KLHL24: variants seen among roughly 807,000 people sequenced by gnomAD.
KLHL24 encodes the protein kelch-like protein 24.
KLHL24 carries 29 observed loss-of-function variants against 53.4 expected under a neutral mutation model. The ratio of observed to expected loss-of-function variants is 0.54; its 90% CI spans 0.40 to 0.74. KLHL24 has a LOEUF of 0.74. Among genes scored for constraint, KLHL24 ranks in the 30% least tolerant of loss-of-function variants. The probability of loss-of-function intolerance (pLI) is 0.00; values close to 1 mark genes in which losing one functional copy is unlikely to be tolerated. For missense variants in KLHL24, 504 were observed against 744.0 expected, an observed-to-expected ratio of 0.68 and a Z score of 3.75; for synonymous variants, 222 against 253.7, an observed-to-expected ratio of 0.88 and a Z score of 1.19.
chr3:183,665,376 C>T (rs962128999), intron 5 of KLHL24, among the ~76,000 whole-genome samples: 3 of 152,198 alleles, frequency 2.0e-5, no homozygotes, highest in African/African-American at 7.2e-5. Flanking sequence ...TTTCTTTTTA[C>T]TAACTTTGCA....
intron 1 of KLHL24, among the ~76,000 whole-genome samples, chr3:183,639,519 A>G (rs1333901773): frequency 2.7e-5 from 4 of 149,292 alleles, no homozygotes; most frequent in Non-Finnish European, 5.9e-5. Context: ...AGTCCCAGCT[A>G]CTCGGGAGGC....
chr3:183,641,265 C>T (rs958016972), intron 1 of KLHL24, among the ~76,000 whole-genome samples: 14 of 151,956 alleles, frequency 9.2e-5, no homozygotes, highest in East Asian at 1.9e-4. Context: ...GAGGTCGAGG[C>T]GGGTGGATCA....
In KLHL24 at chr3:183,665,049, A is replaced by G; in HGVS notation, c.1224+10A>G. ...TGTCCTCCTTGGTAAAGTAAGAGAA[A>G]CCACTTTTTATTACTATTGCTGGTA... is the stretch of plus-strand genomic sequence containing the variant. On this transcript the variant is annotated intron_variant, in intron 5 of 7. Transcript: ENST00000242810. 2 of 1,408,106 alleles carry G rather than the reference A, an allele frequency of 1.4e-6. No individual in the cohort carries two copies. Among genetic ancestry groups the G allele is most frequent in the Non-Finnish European group, 2.0e-6 (2 of 995,164 alleles). 87.2% of individuals were successfully genotyped at this position (1,408,106 alleles called of 1,614,324 possible).
chr3:183,639,908 C>A (rs1576870489), intron 1 of KLHL24, among the ~76,000 whole-genome samples: 1 of 151,922 alleles, frequency 6.6e-6, no homozygotes, highest in Non-Finnish European at 1.5e-5. Flanking sequence ...TCCTGTAATC[C>A]CAGCTACTCG....
rs1355516760 is a variant in KLHL24 at position 183,684,454 on chromosome 3, TAATAA to T, written c.*5172_*5176del. On this transcript the variant is annotated 3_prime_UTR_variant, in exon 8 of 8. Transcript: ENST00000242810. The stretch of plus-strand genomic sequence containing the variant: ...AGTTTAATTTTTTAAAAGTTGTATC[TAATAA>T]AATGTCTTTTAACCATTATTACTTG... 3.3e-5 allele frequency: 5 copies of T among 152,652 alleles called. No homozygotes were observed. The East Asian group carries it at 7.7e-4, about 23-fold the overall frequency. The allele number at this position is 152,652 out of a possible 1,614,324, so 9.5% of individuals were successfully genotyped here. A position where few individuals can be genotyped will look rare whatever the true frequency, so the allele number is the denominator to read the frequency against.
chr3:183,671,339 G>T (rs191504606), intron 6 of KLHL24, 117 bp downstream of exon 6: 2 of 750,928 alleles, frequency 2.7e-6, no homozygotes, highest in Non-Finnish European at 4.1e-6. Context: ...AAAATTTTCT[G>T]GTACTATATG....
chr3:183,641,083 A>G (rs1215060243), intron 1 of KLHL24, among the ~76,000 whole-genome samples: 2 of 152,218 alleles, frequency 1.3e-5, no homozygotes, highest in African/African-American at 2.4e-5. Flanking sequence ...TGATTTTTAA[A>G]AAGTCATCAA....
intron 2 of KLHL24, among the ~76,000 whole-genome samples, chr3:183,649,456 C>CTCAATTGG (rs1381774544): frequency 6.8e-6 from 1 of 146,946 alleles, no homozygotes; most frequent in East Asian, 2.0e-4. Context: ...TCTATCAATA[C>CTCAATTGG]AGCATTGGAC....
intron 3 of KLHL24, among the ~76,000 whole-genome samples, chr3:183,653,241 A>G (rs1376437188): frequency 6.6e-6 from 1 of 152,178 alleles, no homozygotes; most frequent in Non-Finnish European, 1.5e-5. Context: ...TATTTATTTT[A>G]TGTGGGCATT....
chr3:183,663,337 A>C lies in KLHL24; in HGVS notation c.921-121A>C. On this transcript the variant is annotated intron_variant, in intron 3 of 7. Transcript: ENST00000242810. This position sits in a 1 kb window ranked among gnomAD's most constrained non-coding sequence, Gnocchi z 4.9. ...TGTACCGTTTGGCACATGCACAGAG[A>C]AGAAACTTAACTGTTTATAATAGTG... The C allele has an allele frequency of 2.2e-6, 1 of 455,272 alleles. No individual in the cohort carries two copies. Among genetic ancestry groups the C allele is most frequent in the Non-Finnish European group, 3.7e-6 (1 of 272,684 alleles). The allele number at this position is 455,272 out of a possible 1,614,324, so 28.2% of individuals were successfully genotyped here.
chr3:183,682,294 A>G lies in KLHL24; in HGVS notation c.*3008A>G, dbSNP rs935381068. 6.6e-6 allele frequency: 1 copy of G among 152,074 alleles called. No individual in the cohort carries two copies. Among genetic ancestry groups the G allele is most frequent in the Admixed American group, 6.6e-5 (1 of 15,266 alleles). 9.4% of individuals were successfully genotyped at this position (152,074 alleles called of 1,614,324 possible). On this transcript the variant is annotated 3_prime_UTR_variant, in exon 8 of 8. Coordinates refer to ENST00000242810, the MANE Select transcript of KLHL24 (RefSeq NM_017644.3). ...TTTCTGTTTTTCCTCTATGTGAGTC[A>G]GCTACAAAAGTGGTCTAATTTTTAC...
At chr3:183,653,222 G>A (rs1718374925) in intron 3 of KLHL24, among the ~76,000 whole-genome samples, 2 of 152,224 alleles carry the variant, frequency 1.3e-5, no homozygotes, top group African/African-American at 2.4e-5. Flanking sequence ...TTAAAAATAC[G>A]ATAGCAGATA....
intron 5 of KLHL24, among the ~76,000 whole-genome samples, chr3:183,666,898 A>G (rs1720641256): frequency 6.6e-6 from 1 of 152,100 alleles, no homozygotes; most frequent in African/African-American, 2.4e-5. Flanking sequence ...ACCTCAAATT[A>G]ATGAACAACT....
intron 2 of KLHL24, chr3:183,643,977 A>C (rs1257534015): frequency 6.7e-6 from 1 of 149,692 alleles, no homozygotes; most frequent in Non-Finnish European, 1.5e-5. Context: ...ATTTTGATCA[A>C]TCTTGAACCT....
intron 5 of KLHL24, 124 bp from the exon 6 acceptor site, chr3:183,670,910 A>G (rs1045210321): frequency 1.5e-6 from 1 of 670,114 alleles, no homozygotes. Flanking sequence ...TGAGCTAAAT[A>G]TATTGCAATT....
intron 6 of KLHL24, among the ~76,000 whole-genome samples, chr3:183,671,656 G>C (rs1721343104): frequency 1.3e-5 from 2 of 152,166 alleles, no homozygotes; most frequent in South Asian, 4.1e-4. Flanking sequence ...AACCTCCTTA[G>C]TGTAAATAGA....
At chr3:183,646,055 G>T (rs71631240) in intron 2 of KLHL24, among the ~76,000 whole-genome samples, 47,790 of 145,062 alleles carry the variant, frequency 0.33, 8,529 homozygotes, top group African/African-American at 0.48. Flanking sequence ...TTTTTGTTTT[G>T]TTTTTTTTTT....
Position 183,664,944 on chromosome 3 carries a change from G to A in KLHL24, c.1129G>A (p.Val377Ile). The change falls in exon 5 of 8, where the codon GTC becomes ATC. Residue 377 changes from valine to isoleucine, a missense_variant. Val to Ile is a conservative substitution (Grantham distance 29, BLOSUM62 3). Transcript: ENST00000242810. ...VSGGRINSRD[V>I]WIYNSQLNIW... ...AGGTGGAAGAATCAACAGCCGTGAT[G>A]TCTGGATTTATAACTCACAGTTAAA... 2 of 1,610,054 alleles carry A rather than the reference G, an allele frequency of 1.2e-6. No individual in the cohort carries two copies. Among genetic ancestry groups the A allele is most frequent in the South Asian group, 1.1e-5 (1 of 90,628 alleles).
At chr3:183,665,293 G>A (rs1002126306) in intron 5 of KLHL24, among the ~76,000 whole-genome samples, 1 of 152,164 alleles carries the variant, frequency 6.6e-6, no homozygotes, top group Non-Finnish European at 1.5e-5. Flanking sequence ...AAGTCCAAAT[G>A]CCTAAGAAGC....
Sources: allele counts gnomAD v4.1 joint callset (sites outside exome capture counted in the v4.1 genomes callset), GRCh38; gene constraint gnomAD v4.1.1; non-coding constraint Gnocchi (gnomAD v3.1); transcripts MANE v1.5; gene names NCBI Gene and HGNC (gene_info 2026-07-23, HGNC 2026-07-21).